The following TEKT3 variants were observed in gnomAD, a reference collection of about 807,000 sequenced individuals.
The protein encoded by TEKT3 is tektin-3.
In TEKT3, 49 loss-of-function variants were observed where a neutral mutation model predicts 49.8. The ratio of observed to expected loss-of-function variants is 0.98; its 90% CI spans 0.78 to 1.25. TEKT3 has a LOEUF of 1.25. TEKT3 is among the 50% of genes most tolerant of loss of function. The pLI is 0.00. For missense variants in TEKT3, 595 were observed against 629.5 expected, an observed-to-expected ratio of 0.95 and a Z score of 0.59; for synonymous variants, 225 against 237.2, an observed-to-expected ratio of 0.95 and a Z score of 0.47.
rs979201758 is a variant in TEKT3, at chr17:15,326,836, T to C, written c.663+1156A>G. ...TGATAGAGATCTGTGGTAGCAAGTC[T>C]AAGAAGTGAAGATCAGAGAAATTAG... On this transcript the variant is annotated intron_variant, in intron 4 of 8. Coordinates refer to ENST00000395930, the MANE Select transcript of TEKT3 (RefSeq NM_031898.3). 2.0e-5 allele frequency among the ~76,000 whole-genome samples: 3 copies of C among 152,148 alleles called. No homozygotes were observed. The East Asian group carries it at 5.8e-4, about 29-fold the overall frequency.
chr17:15,326,428 A>G (rs1270332433), intron 4 of TEKT3, among the ~76,000 whole-genome samples: 1 of 152,330 alleles, frequency 6.6e-6, no homozygotes, highest in East Asian at 1.9e-4. Flanking sequence ...GAAATTAGGG[A>G]GTCAAGGAAG....
chr17:15,333,416 G>A (rs960500324), intron 2 of TEKT3, among the ~76,000 whole-genome samples: 15 of 152,192 alleles, frequency 9.9e-5, no homozygotes, highest in African/African-American at 3.4e-4. Flanking sequence ...CCGTGGCCCT[G>A]TGCTTATAGA....
intron 8 of TEKT3, among the ~76,000 whole-genome samples, chr17:15,306,658 A>C (rs2150731170): frequency 6.6e-6 from 1 of 152,252 alleles, no homozygotes; most frequent in South Asian, 2.1e-4. Flanking sequence ...CACTACCCAA[A>C]ACTCATTTTA....
intron 5 of TEKT3, 35 bp from the exon 6 acceptor site, chr17:15,314,265 T>A: frequency 6.2e-7 from 1 of 1,613,026 alleles, no homozygotes; most frequent in East Asian, 2.2e-5. Flanking sequence ...AGCTTCACAC[T>A]CAGGTGACAA....
intron 2 of TEKT3, among the ~76,000 whole-genome samples, chr17:15,337,111 GTA>G (rs1229234091): frequency 6.6e-6 from 1 of 151,862 alleles, no homozygotes; most frequent in Non-Finnish European, 1.5e-5. Context: ...TTATGTTAAT[GTA>G]TAATGGATTA....
At position 15,331,523 on chromosome 17, in the gene TEKT3, G is replaced by C; in HGVS notation, c.63C>G (p.Asn21Lys). The part of the protein sequence containing the change: ...TYAHPRPTPT[N>K]FLPAISTMAS... Reference sequence around the variant, plus strand: ...CCATGGTACTGATGGCTGGTAGAAAGTTGGTTGGTGTTGGTCTAGGGTGGG... The same window carrying C: ...CCATGGTACTGATGGCTGGTAGAAACTTGGTTGGTGTTGGTCTAGGGTGGG... The change falls in exon 3 of 9, where the codon AAC (asparagine) becomes AAG (lysine). Residue 21 changes from asparagine to lysine, a missense_variant. Coordinates refer to ENST00000395930, the MANE Select transcript of TEKT3 (RefSeq NM_031898.3). 1.2e-6 allele frequency: 2 copies of C among 1,614,178 alleles called. No individual in the cohort carries two copies. Among genetic ancestry groups the C allele is most frequent in the Middle Eastern group, 1.6e-4 (1 of 6,062 alleles).
At chr17:15,325,957 T>C (rs1911472183) in intron 4 of TEKT3, among the ~76,000 whole-genome samples, 2 of 152,236 alleles carry the variant, frequency 1.3e-5, no homozygotes, top group African/African-American at 4.8e-5. Flanking sequence ...TAACCACTCC[T>C]GTCCGGCAAT....
At chr17:15,333,752 TTTTA>T (rs1911871848) in intron 2 of TEKT3, among the ~76,000 whole-genome samples, 2 of 137,222 alleles carry the variant, frequency 1.5e-5, no homozygotes, top group African/African-American at 2.9e-5. Context: ...TTTTATTTTA[TTTTA>T]TTTTATTTTA....
intron 3 of TEKT3, among the ~76,000 whole-genome samples, chr17:15,329,986 A>G (rs370639722): frequency 5.4e-4 from 82 of 152,274 alleles, no homozygotes; most frequent in African/African-American, 1.8e-3. Context: ...CCCATCGCAT[A>G]GCCTGAGGGT....
chr17:15,305,555 G>A (rs1567571517), intron 8 of TEKT3, among the ~76,000 whole-genome samples: 3 of 152,120 alleles, frequency 2.0e-5, no homozygotes, highest in Non-Finnish European at 1.5e-5. Flanking sequence ...TCTTCGGCGA[G>A]GCTGCCGCAG....
chr17:15,328,874 CA>C (rs1239980115), intron 3 of TEKT3, among the ~76,000 whole-genome samples: 1 of 152,062 alleles, frequency 6.6e-6, no homozygotes, highest in Non-Finnish European at 1.5e-5. Flanking sequence ...ATAGGACTCC[CA>C]AATAATATTA....
chr17:15,330,768 G>T (rs1270386297), intron 3 of TEKT3, among the ~76,000 whole-genome samples: 1 of 152,042 alleles, frequency 6.6e-6, no homozygotes, highest in African/African-American at 2.4e-5. Flanking sequence ...TATTTAATTG[G>T]TCTTCTTTGC....
intron 4 of TEKT3, among the ~76,000 whole-genome samples, chr17:15,321,854 T>C (rs1288471710): frequency 6.6e-6 from 1 of 152,226 alleles, no homozygotes; most frequent in Non-Finnish European, 1.5e-5. Context: ...GAATGCATCC[T>C]ACTATTTGAG....
At chr17:15,321,788 T>C (rs1911274691) in intron 4 of TEKT3, among the ~76,000 whole-genome samples, 1 of 152,202 alleles carries the variant, frequency 6.6e-6, no homozygotes, top group Admixed American at 6.5e-5. Flanking sequence ...GTTTCATCTG[T>C]GGGGCTTTGG....
intron 2 of TEKT3, among the ~76,000 whole-genome samples, chr17:15,337,764 C>T (rs899804580): frequency 3.9e-5 from 6 of 152,110 alleles, no homozygotes; most frequent in Non-Finnish European, 2.9e-5. Flanking sequence ...TTGCTTGAAC[C>T]TGGGAGGCGG....
Position 15,310,416 on chromosome 17 carries a change from G to T in TEKT3, c.1102-1598C>A, listed in dbSNP as rs117306617. Among the ~76,000 whole-genome samples, 101 of 152,206 alleles carry T rather than the reference G, an allele frequency of 6.6e-4. No homozygotes were observed. In the East Asian group the frequency reaches 0.017, roughly 26 times the overall value. ...ATATTTGGAGATAGTGTCTCTGTGG[G>T]GGTGATTAAGTTAAATGAGGTCTTT... On this transcript the variant is annotated intron_variant, in intron 7 of 8. Coordinates refer to ENST00000395930, the MANE Select transcript of TEKT3 (RefSeq NM_031898.3).
At chr17:15,327,871 A>T in intron 4 of TEKT3, 121 bp downstream of exon 4, 1 of 770,530 alleles carries the variant, frequency 1.3e-6, no homozygotes, top group East Asian at 2.6e-5. Context: ...TGCTATCAGC[A>T]TCTGATACGA....
intron 4 of TEKT3, 28 bp downstream of exon 4, chr17:15,327,964 G>A (rs1314124817): frequency 6.2e-7 from 1 of 1,601,022 alleles, no homozygotes; most frequent in Non-Finnish European, 8.6e-7. Context: ...TAAGCTGCCT[G>A]TGACTGATGC....
At position 15,331,074 on chromosome 17, in the gene TEKT3, G is replaced by A. The variant is rs1188376525; in HGVS notation, c.512C>T (p.Thr171Ile). Residue 171 changes from threonine to isoleucine, a missense_variant, in exon 3 of 9, where the codon ACA (threonine) becomes ATA (isoleucine). Thr to Ile is a moderately conservative substitution (Grantham distance 89). Coordinates refer to ENST00000395930, the MANE Select transcript of TEKT3 (RefSeq NM_031898.3). The part of the protein sequence containing the change: ...IHELDEMIGE[T>I]NALTDVKKRL... ...TTTCTTCACATCAGTAAGTGCATTT[G>A]TCTCTCCAATCATTTCATCCAACTC... The A allele has an allele frequency of 8.1e-6, 13 of 1,614,142 alleles. No individual in the cohort carries two copies. The highest frequency in any genetic ancestry group is 1.7e-5 in the Admixed American group (1 of 60,024).
Sources: allele counts gnomAD v4.1 joint callset (sites outside exome capture counted in the v4.1 genomes callset), GRCh38; gene constraint gnomAD v4.1.1; transcripts MANE v1.5; gene names NCBI Gene and HGNC (gene_info 2026-07-23, HGNC 2026-07-21).